The following ASTN2 variants were observed in gnomAD, a reference collection of about 807,000 sequenced individuals.
The protein encoded by ASTN2 is astrotactin 2.
In ASTN2, 54 loss-of-function variants were observed where a neutral mutation model predicts 139.8. The observed-to-expected ratio is 0.39, with a 90% CI of 0.31 to 0.48. ASTN2 has a LOEUF of 0.48. Among genes scored for constraint, ASTN2 ranks in the 20% least tolerant of loss-of-function variants. ASTN2 has a pLI of 0.95. For synonymous variants in ASTN2, 756 were observed against 719.5 expected (o/e 1.05, Z -0.81); for missense variants, 1,565 against 1,725.1 (o/e 0.91, Z 1.64).
chr9:117,028,500 C>T (rs990264282), intron 6 of ASTN2, among the ~76,000 whole-genome samples: 1 of 152,146 alleles, frequency 6.6e-6, no homozygotes, highest in African/African-American at 2.4e-5. Flanking sequence ...TTCTTCCCCT[C>T]CCAGACTCCC....
chr9:117,240,696 G>A (rs998484648), intron 2 of ASTN2, among the ~76,000 whole-genome samples: 2 of 152,138 alleles, frequency 1.3e-5, no homozygotes, highest in Admixed American at 1.3e-4. Flanking sequence ...CTTCAGCTAT[G>A]TGGGCCAGTT....
intron 20 of ASTN2, among the ~76,000 whole-genome samples, chr9:116,456,161 A>G (rs907456659): frequency 2.6e-5 from 4 of 152,206 alleles, no homozygotes; most frequent in Non-Finnish European, 5.9e-5. Flanking sequence ...TGACAAAATC[A>G]GGAAAGTTGT....
chr9:117,001,023 A>C (rs1183545640), intron 7 of ASTN2, among the ~76,000 whole-genome samples: 3 of 152,160 alleles, frequency 2.0e-5, no homozygotes, highest in Non-Finnish European at 4.4e-5. Flanking sequence ...CCCTGGAAAA[A>C]CACACTGGAA....
intron 16 of ASTN2, among the ~76,000 whole-genome samples, chr9:116,655,693 A>C (rs1171704546): frequency 2.0e-5 from 3 of 152,044 alleles, no homozygotes; most frequent in Non-Finnish European, 4.4e-5. Context: ...AACGTACACC[A>C]AGATTTTTTT....
chr9:117,254,612 G>T (rs1252808857), intron 2 of ASTN2, among the ~76,000 whole-genome samples: 1 of 152,090 alleles, frequency 6.6e-6, no homozygotes, highest in African/African-American at 2.4e-5. Context: ...TAAAGCAGTG[G>T]CATTTAAATT....
At chr9:116,920,567 A>T (rs749372418) in intron 10 of ASTN2, among the ~76,000 whole-genome samples, 15 of 152,232 alleles carry the variant, frequency 9.9e-5, no homozygotes, top group Non-Finnish European at 2.1e-4. Flanking sequence ...ATGCTTTACC[A>T]TGATTTAGGT....
intron 11 of ASTN2, among the ~76,000 whole-genome samples, chr9:116,829,910 T>C (rs1053136535): frequency 4.6e-5 from 7 of 152,182 alleles, no homozygotes; most frequent in Admixed American, 4.6e-4. Context: ...CCTGAAACTA[T>C]AAAAATCCTA....
rs934754146 is a variant in ASTN2 at position 117,414,533 on chromosome 9, C to T, written c.406G>A (p.Asp136Asn). ...ELPGRIAVQD[D>N]LDNTELPFFT... ...AAGGGCAGCTCGGTGTTGTCCAGGT[C>T]GTCCTGCACCGCGATGCGCCCCGGC... Residue 136 changes from aspartate to asparagine, a missense_variant, in exon 1 of 23, where the codon GAC (aspartate) becomes AAC (asparagine). Asp to Asn is a conservative substitution (Grantham distance 23, BLOSUM62 1). Around this residue, in one of 4 missense-constraint regions of ASTN2, gnomAD observed 596 missense variants for 576.8 expected, o/e 1.03. Coordinates refer to ENST00000313400, the MANE Select transcript of ASTN2 (RefSeq NM_001365068.1). This position sits in a 1 kb window ranked among gnomAD's most constrained non-coding sequence, Gnocchi z 4.2. 1 of 1,607,022 alleles carries T rather than the reference C, an allele frequency of 6.2e-7. No individual in the cohort carries two copies. The highest frequency in any genetic ancestry group is 8.5e-7 in the Non-Finnish European group (1 of 1,177,364).
At chr9:116,821,941 T>C (rs1831495359) in intron 11 of ASTN2, among the ~76,000 whole-genome samples, 2 of 152,028 alleles carry the variant, frequency 1.3e-5, no homozygotes, top group Admixed American at 1.3e-4. Flanking sequence ...GTAGTTCCAA[T>C]ACTCCTGCTT....
chr9:116,985,942 C>T (rs2132542956), intron 7 of ASTN2, among the ~76,000 whole-genome samples: 1 of 152,308 alleles, frequency 6.6e-6, no homozygotes, highest in East Asian at 1.9e-4. Context: ...CCATTGGAGG[C>T]TGAATCCTCT....
chr9:116,925,895 T>C (rs1834743071), intron 10 of ASTN2, among the ~76,000 whole-genome samples: 1 of 149,196 alleles, frequency 6.7e-6, no homozygotes. Flanking sequence ...CACACATATA[T>C]ACACATGCAC....
intron 17 of ASTN2, among the ~76,000 whole-genome samples, chr9:116,643,102 T>C (rs1181611295): frequency 6.6e-6 from 1 of 152,192 alleles, no homozygotes; most frequent in Non-Finnish European, 1.5e-5. Flanking sequence ...GTAAGCATAA[T>C]AGTGAATACT....
chr9:117,153,794 G>C (rs62564661), intron 3 of ASTN2, among the ~76,000 whole-genome samples: 3 of 152,062 alleles, frequency 2.0e-5, no homozygotes, highest in South Asian at 2.1e-4. Flanking sequence ...GGTATCCCTC[G>C]TCAGTGGCAT....
At chr9:116,897,460 C>T (rs1833905012) in intron 10 of ASTN2, among the ~76,000 whole-genome samples, 1 of 152,180 alleles carries the variant, frequency 6.6e-6, no homozygotes, top group African/African-American at 2.4e-5. Context: ...ACATGATGAG[C>T]ATTCCACTTG....
intron 10 of ASTN2, among the ~76,000 whole-genome samples, chr9:116,927,232 A>G (rs987402442): frequency 1.1e-4 from 17 of 152,132 alleles, no homozygotes; most frequent in African/African-American, 4.1e-4. Context: ...CTCCCTCATC[A>G]GAACCTCTCC....
At chr9:117,286,863 C>T (rs913476176) in intron 2 of ASTN2, among the ~76,000 whole-genome samples, 1 of 152,338 alleles carries the variant, frequency 6.6e-6, no homozygotes, top group East Asian at 1.9e-4. Flanking sequence ...ATAACGGCTA[C>T]TGCTTTTTGA....
At chr9:117,093,471 C>T (rs1027193353) in intron 5 of ASTN2, among the ~76,000 whole-genome samples, 5 of 152,146 alleles carry the variant, frequency 3.3e-5, no homozygotes, top group African/African-American at 4.8e-5. Flanking sequence ...TTTGAACCCA[C>T]GTAACCCACC....
intron 3 of ASTN2, among the ~76,000 whole-genome samples, chr9:117,178,855 C>T (rs918181503): frequency 6.6e-6 from 1 of 152,194 alleles, no homozygotes; most frequent in Non-Finnish European, 1.5e-5. Flanking sequence ...TGGCTGCAGC[C>T]AGGGTGTTCC....
chr9:117,051,965 C>T (rs1838923162), intron 5 of ASTN2, among the ~76,000 whole-genome samples: 1 of 152,106 alleles, frequency 6.6e-6, no homozygotes, highest in Admixed American at 6.5e-5. Context: ...CAAACATTCC[C>T]ACAACATGAC....
Sources: allele counts gnomAD v4.1 joint callset (sites outside exome capture counted in the v4.1 genomes callset), GRCh38; gene constraint gnomAD v4.1.1; regional missense constraint gnomAD v4.1.1; non-coding constraint Gnocchi (gnomAD v3.1); transcripts MANE v1.5; gene names NCBI Gene and HGNC (gene_info 2026-07-23, HGNC 2026-07-21).